ERCC6L2: variants seen among roughly 807,000 people sequenced by gnomAD.
ERCC6L2 encodes the protein DNA excision repair protein ERCC-6-like 2.
In ERCC6L2, 77 loss-of-function variants were observed where a neutral mutation model predicts 132.0. That is an observed-to-expected ratio of 0.58 (90% confidence interval 0.49 to 0.71). The LOEUF (loss-of-function observed/expected upper bound fraction) is 0.71. ERCC6L2 is among the 30% of genes least tolerant of loss of function. ERCC6L2 has a pLI of 0.00. For missense variants in ERCC6L2, 1,542 were observed against 1,837.6 expected (o/e 0.84, Z 2.94); for synonymous variants, 583 against 632.4 (o/e 0.92, Z 1.17).
At chr9:95,967,991 T>C (rs1832239246) in intron 14 of ERCC6L2, 1 of 152,194 alleles carries the variant, frequency 6.6e-6, no homozygotes, top group Non-Finnish European at 1.5e-5. Context: ...GTTACCTGTT[T>C]TTATCAGAAT....
chr9:96,040,952 C>T (rs1012648943), intron 20 of ERCC6L2, among the ~76,000 whole-genome samples: 2 of 152,136 alleles, frequency 1.3e-5, no homozygotes, highest in Non-Finnish European at 1.5e-5. Flanking sequence ...GCTAATGGGC[C>T]CCCTCTGCAG....
At chr9:96,029,121 G>A (rs973172441) in intron 19 of ERCC6L2, among the ~76,000 whole-genome samples, 14 of 151,926 alleles carry the variant, frequency 9.2e-5, no homozygotes, top group Admixed American at 4.6e-4. Flanking sequence ...TGGCTAACAT[G>A]GTGAAACCCC....
At chr9:95,997,095 T>A (rs1833496561) in intron 17 of ERCC6L2, among the ~76,000 whole-genome samples, 2 of 152,240 alleles carry the variant, frequency 1.3e-5, no homozygotes, top group South Asian at 4.1e-4. Context: ...AGAAAATAAG[T>A]TTCATAAGAC....
At chr9:96,020,882 G>T (rs1488111923), downstream of ERCC6L2, 1 of 456,644 alleles carries the variant, frequency 2.2e-6, no homozygotes. Flanking sequence ...GAGGTTCCTG[G>T]TTTGGGTTGG....
At position 96,012,566 on chromosome 9, in the gene ERCC6L2, T is replaced by G. The variant is rs774049286; in HGVS notation, c.4016T>G (p.Phe1339Cys). 2.3e-5 allele frequency: 31 copies of G among 1,367,438 alleles called. No homozygotes were observed. The South Asian group carries it at 3.4e-4, about 15-fold the overall frequency. The allele number at this position is 1,367,438 out of a possible 1,614,324, so 84.7% of individuals were successfully genotyped here. A position where few individuals can be genotyped will look rare whatever the true frequency, so the allele number is the denominator to read the frequency against. The change falls in exon 19 of 19, where the codon TTT becomes TGT. Residue 1339 changes from phenylalanine (F) to cysteine (C), a missense_variant. Around this residue, in one of 4 missense-constraint regions of ERCC6L2, gnomAD observed 442 missense variants for 583.4 expected, o/e 0.76. Transcript: ENST00000653738. ...LKTYKRKSVK[F>C]QNHISYREEV... is the part of the protein sequence containing the mutation. ...ACATATAAAAGAAAATCAGTTAAGT[T>G]TCAGAATCATATTTCCTATAGAGAA...
intron 19 of ERCC6L2, chr9:96,025,941 T>C (rs1193005266): frequency 1.3e-5 from 2 of 152,138 alleles, no homozygotes; most frequent in Non-Finnish European, 2.9e-5. Context: ...TATTGGAGGA[T>C]TGAGTGGCAA....
intron 9 of ERCC6L2, among the ~76,000 whole-genome samples, chr9:95,925,743 T>G (rs73534667): frequency 0.014 from 2,126 of 152,252 alleles, 49 homozygotes; most frequent in African/African-American, 0.049. Context: ...CCCCAAATAA[T>G]GAGAATGGAT....
At chr9:95,892,893 T>C (rs1190635192) in intron 2 of ERCC6L2, among the ~76,000 whole-genome samples, 7 of 152,246 alleles carry the variant, frequency 4.6e-5, no homozygotes, top group Non-Finnish European at 1.0e-4. Flanking sequence ...CAATCTCTGA[T>C]ATTTAATTGG....
chr9:96,039,108 C>G (rs1440597784), exon 20 of ERCC6L2, among the ~76,000 whole-genome samples: 1 of 152,232 alleles, frequency 6.6e-6, no homozygotes. Flanking sequence ...CACAACTTCC[C>G]AGCTGAGCCC....
At position 96,012,691 on chromosome 9, in the gene ERCC6L2, A is replaced by G. The variant is rs1422259042; in HGVS notation, c.4141A>G (p.Thr1381Ala). Residue 1381 changes from threonine to alanine, a missense_variant, in exon 19 of 19, where the codon ACA (threonine) becomes GCA (alanine). Thr to Ala is a moderately conservative substitution (Grantham distance 58). Around this residue, in one of 4 missense-constraint regions of ERCC6L2, gnomAD observed 442 missense variants for 583.4 expected, o/e 0.76. Transcript: ENST00000653738. The stretch of plus-strand genomic sequence containing the variant: ...CAGCCAGGCATCCGAAGATACTGTG[A>G]CATCCCGTTCTCTGAACAGTGAGTC... The part of the protein sequence containing the change: ...KNSQASEDTV[T>A]SRSLNSESET... 5 of 1,367,688 alleles carry G rather than the reference A, an allele frequency of 3.7e-6. No individual in the cohort carries two copies. Among genetic ancestry groups the G allele is most frequent in the African/African-American group, 1.5e-5 (1 of 67,886 alleles). 84.7% of individuals were successfully genotyped at this position (1,367,688 alleles called of 1,614,324 possible).
In ERCC6L2 at chr9:96,013,046, T is replaced by C. The variant is rs1186200606; in HGVS notation, c.4496T>C (p.Ile1499Thr). 1.5e-6 allele frequency: 2 copies of C among 1,367,504 alleles called. No homozygotes were observed. Among genetic ancestry groups the C allele is most frequent in the African/African-American group, 1.5e-5 (1 of 67,724 alleles). The allele number at this position is 1,367,504 out of a possible 1,614,324, so 84.7% of individuals were successfully genotyped here. A position where few individuals can be genotyped will look rare whatever the true frequency, so the allele number is the denominator to read the frequency against. Residue 1499 changes from isoleucine (I) to threonine (T), a missense_variant, in exon 19 of 19, where the codon ATA becomes ACA. Coordinates refer to ENST00000653738, the MANE Select transcript of ERCC6L2 (RefSeq NM_020207.7). ...AGTAAACTCACAGACTTGGCAGTAA[T>C]AGAGACTCTGTGTGAAAAAGCACCT... The part of the protein sequence containing the change: ...SLSKLTDLAV[I>T]ETLCEKAPLA...
intron 3 of ERCC6L2, among the ~76,000 whole-genome samples, chr9:95,899,182 A>G (rs1239072410): frequency 3.3e-5 from 5 of 152,122 alleles, no homozygotes; most frequent in African/African-American, 1.2e-4. Context: ...AGGCGCAGTG[A>G]TTCATGCCTG....
chr9:95,948,254 A>G (rs1831156726), intron 12 of ERCC6L2, among the ~76,000 whole-genome samples: 2 of 152,228 alleles, frequency 1.3e-5, no homozygotes, highest in South Asian at 4.1e-4. Flanking sequence ...GACTTTGAGG[A>G]GTTCGACTTT....
intron 19 of ERCC6L2, among the ~76,000 whole-genome samples, chr9:96,036,967 C>T (rs1297980989): frequency 2.6e-5 from 4 of 151,132 alleles, no homozygotes; most frequent in African/African-American, 9.7e-5. Context: ...GGGGTTTCAC[C>T]GTTTTAGCCG....
chr9:95,992,313 T>G (rs1833331030), intron 17 of ERCC6L2, among the ~76,000 whole-genome samples: 1 of 152,198 alleles, frequency 6.6e-6, no homozygotes, highest in Non-Finnish European at 1.5e-5. Context: ...AAAAACTCCT[T>G]GAGATTCTCA....
At chr9:95,982,245 C>T (rs925742628) in intron 17 of ERCC6L2, among the ~76,000 whole-genome samples, 1 of 152,072 alleles carries the variant, frequency 6.6e-6, no homozygotes, top group Admixed American at 6.6e-5. Flanking sequence ...TTTATATAAC[C>T]AGTGCAGGTT....
rs1830217299 is a variant in ERCC6L2, at chr9:95,928,873, ATTAAAT to A, written c.1751+14_1751+19del. On this transcript the variant is annotated intron_variant, in intron 11 of 18. Transcript: ENST00000653738. ...TGCCTTGTCTCTACAATGTAAGAAA[ATTAAAT>A]TTAATAACTAGATTTTTATCCAATT... The A allele has an allele frequency of 1.3e-6, 2 of 1,527,440 alleles. No individual in the cohort carries two copies. Among genetic ancestry groups the A allele is most frequent in the African/African-American group, 1.4e-5 (1 of 70,800 alleles). The allele number at this position is 1,527,440 out of a possible 1,614,324, so 94.6% of individuals were successfully genotyped here.
At chr9:95,888,947 T>A (rs867749348) in intron 2 of ERCC6L2, among the ~76,000 whole-genome samples, 22 of 152,300 alleles carry the variant, frequency 1.4e-4, no homozygotes, top group African/African-American at 5.3e-4. Context: ...TTAGCTAGCT[T>A]CTCCAGTTTG....
At position 96,040,512 on chromosome 9, in the gene ERCC6L2, G is replaced by C. The variant is rs573724088; in HGVS notation, c.*1755+1385G>C. Among the ~76,000 whole-genome samples, 3 of 152,188 alleles carry C rather than the reference G, an allele frequency of 2.0e-5. No individual in the cohort carries two copies. The South Asian group carries it at 6.2e-4, about 31-fold the overall frequency. On this transcript the variant is annotated intron_variant and NMD_transcript_variant, in intron 20 of 20. Transcript: ENST00000670016. Reference sequence around the variant, plus strand: ...CTCATAGCCAGGCGCTGGTGCCCTCGGAGCTCTGCATATCTCCCCCGAAAT... The same window carrying C: ...CTCATAGCCAGGCGCTGGTGCCCTCCGAGCTCTGCATATCTCCCCCGAAAT...
Sources: gnomAD v4.1 joint callset for allele counts (sites outside exome capture counted in the v4.1 genomes callset) on GRCh38, gnomAD v4.1.1 for gene constraint, gnomAD v4.1.1 regional missense constraint, MANE v1.5 for transcripts, NCBI Gene and HGNC (gene_info 2026-07-23, HGNC 2026-07-21) for gene names.